CFAP161: variants seen among roughly 807,000 people sequenced by gnomAD.
CFAP161 encodes the protein cilia- and flagella-associated protein 161.
In CFAP161, 25 loss-of-function variants were observed where a neutral mutation model predicts 29.0. That is an observed-to-expected ratio of 0.86 (90% confidence interval 0.63 to 1.20). The LOEUF is 1.20. CFAP161 is among the 50% of genes most tolerant of loss of function. CFAP161 has a pLI of 0.00. For synonymous variants in CFAP161, 116 were observed against 137.4 expected, an observed-to-expected ratio of 0.84 and a Z score of 1.09; for missense variants, 367 against 371.9, an observed-to-expected ratio of 0.99 and a Z score of 0.11.
At chr15:81,132,814 G>A (rs1292655961), upstream of CFAP161, among the ~76,000 whole-genome samples, 1 of 152,094 alleles carries the variant, frequency 6.6e-6, no homozygotes, top group Non-Finnish European at 1.5e-5. Context: ...GAGTCGGAAA[G>A]TTTGGACTGA....
chr15:81,107,592 G>A (rs1894387482), intron 1 of CFAP161, among the ~76,000 whole-genome samples: 1 of 152,112 alleles, frequency 6.6e-6, no homozygotes, highest in Admixed American at 6.6e-5. Flanking sequence ...AGGTGTAGTG[G>A]CGTGTGCCTG....
intron 4 of CFAP161, among the ~76,000 whole-genome samples, chr15:81,138,963 G>A (rs781668536): frequency 7.9e-5 from 12 of 152,128 alleles, no homozygotes; most frequent in Admixed American, 7.9e-4. Context: ...TTTACTATAT[G>A]ATGTAGCGTT....
At chr15:81,137,096 A>ATTT (rs370003742) in intron 3 of CFAP161, among the ~76,000 whole-genome samples, 80,020 of 149,076 alleles carry the variant, frequency 0.54, 22,767 homozygotes, top group Non-Finnish European at 0.66. Context: ...TAATACGGCT[A>ATTT]TTTTTTTTTT....
chr15:81,148,023 A>T, intron 6 of CFAP161, 92 bp downstream of exon 6: 1 of 1,042,602 alleles, frequency 9.6e-7, no homozygotes, highest in Non-Finnish European at 1.4e-6. Context: ...GTATGGCTGC[A>T]CATACAAAAA....
chr15:81,120,101 T>C (rs1894553152), intron 1 of CFAP161, among the ~76,000 whole-genome samples: 1 of 152,156 alleles, frequency 6.6e-6, no homozygotes, highest in African/African-American at 2.4e-5. Flanking sequence ...GTAAAAAATA[T>C]ATATTTTTAA....
chr15:81,144,770 G>A (rs79000360), intron 5 of CFAP161, among the ~76,000 whole-genome samples: 1 of 147,192 alleles, frequency 6.8e-6, no homozygotes, highest in East Asian at 2.0e-4. Context: ...CTGATCAACA[G>A]TGAGACCGTG....
intron 1 of CFAP161, among the ~76,000 whole-genome samples, chr15:81,106,480 C>T (rs1201904304): frequency 3.3e-5 from 5 of 152,156 alleles, no homozygotes; most frequent in African/African-American, 9.7e-5. Flanking sequence ...GGCTTTTAAC[C>T]TCGGTGTTTA....
chr15:81,101,004 A>G (rs1203433152), intron 1 of CFAP161, among the ~76,000 whole-genome samples: 1 of 152,156 alleles, frequency 6.6e-6, no homozygotes, highest in Admixed American at 6.5e-5. Flanking sequence ...GAGTTTAGAA[A>G]ATCCCTAGAT....
intron 4 of CFAP161, 57 bp from the exon 5 acceptor site, chr15:81,143,605 A>T (rs1394502041): frequency 2.6e-6 from 4 of 1,550,176 alleles, no homozygotes; most frequent in Non-Finnish European, 3.5e-6. Context: ...TTGCTTCTTT[A>T]TTCTCCAGCT....
chr15:81,104,115 A>T (rs1055386317), intron 1 of CFAP161, among the ~76,000 whole-genome samples: 44 of 152,228 alleles, frequency 2.9e-4, no homozygotes, highest in African/African-American at 7.7e-4. Context: ...TAAGTGATGG[A>T]GCTGGTTGTC....
intron 2 of CFAP161, among the ~76,000 whole-genome samples, chr15:81,128,870 G>C (rs1448265939): frequency 6.6e-6 from 1 of 151,190 alleles, no homozygotes; most frequent in Non-Finnish European, 1.5e-5. Context: ...TTTGGCAGGA[G>C]AATCGCTTGA....
intron 4 of CFAP161, among the ~76,000 whole-genome samples, chr15:81,139,193 T>C (rs1894863125): frequency 6.6e-6 from 1 of 152,058 alleles, no homozygotes; most frequent in Admixed American, 6.6e-5. Context: ...TAGTCCCACA[T>C]ACTCATGAGG....
Position 81,134,305 on chromosome 15 carries a change from C to T in CFAP161, c.-25C>T, listed in dbSNP as rs751044621. 2 of 1,572,572 alleles carry T rather than the reference C, an allele frequency of 1.3e-6. No homozygotes were observed. Among genetic ancestry groups the T allele is most frequent in the Non-Finnish European group, 1.7e-6 (2 of 1,158,866 alleles). ...GCTAACGCATGGTGTCGGAGGGAGG[C>T]CCACTTGCTGAACAGCAGGGAGCGA... On this transcript the variant is annotated 5_prime_UTR_variant, in exon 1 of 7. Coordinates refer to ENST00000286732, the MANE Select transcript of CFAP161 (RefSeq NM_173528.4).
At chr15:81,111,539 G>A (rs965967440) in intron 1 of CFAP161, among the ~76,000 whole-genome samples, 10 of 152,164 alleles carry the variant, frequency 6.6e-5, no homozygotes, top group East Asian at 1.9e-4. Flanking sequence ...GCAACCTTCC[G>A]AAAGCTCTAC....
At chr15:81,135,986 G>A (rs903231549) in intron 2 of CFAP161, among the ~76,000 whole-genome samples, 12 of 152,208 alleles carry the variant, frequency 7.9e-5, no homozygotes, top group African/African-American at 2.9e-4. Flanking sequence ...TATGTTTATT[G>A]AGACCGGTAA....
upstream of CFAP161, among the ~76,000 whole-genome samples, chr15:81,133,211 ATATATATATATATG>A (rs1459789786): frequency 0.08 from 3,397 of 42,356 alleles, 294 homozygotes; most frequent in Non-Finnish European, 0.12. Flanking sequence ...ATATATATAT[ATATATATATATATG>A]TATTTTTTTT....
intron 4 of CFAP161, among the ~76,000 whole-genome samples, chr15:81,141,527 T>C (rs1322205449): frequency 6.6e-6 from 1 of 152,238 alleles, no homozygotes; most frequent in Non-Finnish European, 1.5e-5. Flanking sequence ...TCAATTCTTA[T>C]ACCTCGAATT....
chr15:81,143,832 A>G lies in CFAP161; in HGVS notation c.636+12A>G, dbSNP rs1353246174. On this transcript the variant is annotated intron_variant, in intron 5 of 6. Coordinates refer to ENST00000286732, the MANE Select transcript of CFAP161 (RefSeq NM_173528.4). ...GCTTCCCCGTCCCGGTGAGTGCAGC[A>G]TCGGGAAGACATGGGTGTCTAGGCT... The G allele has an allele frequency of 1.2e-5, 19 of 1,610,256 alleles. No individual in the cohort carries two copies. Among genetic ancestry groups the G allele is most frequent in the Non-Finnish European group, 1.6e-5 (19 of 1,177,282 alleles).
chr15:81,144,406 G>T (rs559322954), intron 5 of CFAP161, among the ~76,000 whole-genome samples: 1 of 152,138 alleles, frequency 6.6e-6, no homozygotes, highest in Non-Finnish European at 1.5e-5. Context: ...ACCAGCCTGG[G>T]CAACATGGCA....
Sources: allele counts gnomAD v4.1 joint callset (sites outside exome capture counted in the v4.1 genomes callset), GRCh38; gene constraint gnomAD v4.1.1; transcripts MANE v1.5; gene names NCBI Gene and HGNC (gene_info 2026-07-23, HGNC 2026-07-21).